The following SULT1B1 variants were observed in gnomAD, a reference collection of about 807,000 sequenced individuals.
SULT1B1 encodes sulfotransferase family 1B member 1.
In SULT1B1, 28 loss-of-function variants were observed where a neutral mutation model predicts 34.6. The ratio of observed to expected loss-of-function variants is 0.81; its 90% CI spans 0.60 to 1.11. SULT1B1 has a LOEUF of 1.11. SULT1B1 is among the 50% of genes least tolerant of loss of function. SULT1B1 has a pLI of 0.00. For synonymous variants in SULT1B1, 147 were observed against 110.2 expected (o/e 1.33, Z -2.09); for missense variants, 374 against 352.2 (o/e 1.06, Z -0.50).
rs545223195 is a variant in SULT1B1 at position 69,732,876 on chromosome 4, T to C, written c.597+537A>G. ...GAAACAAAGACAGTAAGAATAACTT[T>C]TATTGTTGAAAGAGAACAAAATAGT... On this transcript the variant is annotated intron_variant, in intron 6 of 7. Coordinates refer to ENST00000310613, the MANE Select transcript of SULT1B1 (RefSeq NM_014465.4). 3.3e-5 allele frequency among the ~76,000 whole-genome samples: 5 copies of C among 152,142 alleles called. No homozygotes were observed. The East Asian group carries it at 9.7e-4, about 29-fold the overall frequency.
intron 7 of SULT1B1, among the ~76,000 whole-genome samples, chr4:69,729,847 G>A (rs892792600): frequency 6.6e-6 from 1 of 152,022 alleles, no homozygotes; most frequent in Non-Finnish European, 1.5e-5. Context: ...GTTAGTAATT[G>A]GTTAAATGTA....
chr4:69,744,265 G>T (rs1013807889), intron 4 of SULT1B1, among the ~76,000 whole-genome samples: 1 of 152,232 alleles, frequency 6.6e-6, no homozygotes, highest in Non-Finnish European at 1.5e-5. Flanking sequence ...GGGACTGACT[G>T]TCTCCTCTCT....
chr4:69,728,939 G>GA (rs1717951580), intron 7 of SULT1B1, among the ~76,000 whole-genome samples: 1 of 151,964 alleles, frequency 6.6e-6, no homozygotes, highest in Admixed American at 6.6e-5. Flanking sequence ...CTAGAGAGGG[G>GA]ATATAAAGAC....
At position 69,733,415 on chromosome 4, in the gene SULT1B1, C is replaced by A. The variant is rs1718160452; in HGVS notation, c.595G>T (p.Glu199Ter). The stretch of plus-strand genomic sequence containing the variant: ...AGAATCCATATCTACCATTTTACCT[C>A]TTTCATATCTTCATAGTACAAAAAA... The part of the protein sequence containing the change: ...ILFLYYEDMK[E>*]NPKEEIKKII... Residue 199 changes from glutamate (E) to a stop codon, truncating the protein, a stop_gained and splice_region_variant, in exon 6 of 8, where the codon GAG becomes TAG. Coordinates refer to ENST00000310613, the MANE Select transcript of SULT1B1 (RefSeq NM_014465.4). LOFTEE classifies it high-confidence loss of function. 1.9e-6 allele frequency: 3 copies of A among 1,589,130 alleles called. No homozygotes were observed. The highest frequency in any genetic ancestry group is 2.6e-6 in the Non-Finnish European group (3 of 1,167,536).
At chr4:69,740,054 AG>A (rs1183039964) in intron 4 of SULT1B1, among the ~76,000 whole-genome samples, 1 of 152,128 alleles carries the variant, frequency 6.6e-6, no homozygotes, top group Non-Finnish European at 1.5e-5. Flanking sequence ...GAGCCCTCCA[AG>A]TCTCTAGGAA....
chr4:69,759,545 C>T (rs1365069200), intron 1 of SULT1B1, among the ~76,000 whole-genome samples: 1 of 152,186 alleles, frequency 6.6e-6, no homozygotes, highest in South Asian at 2.1e-4. Context: ...GTGTCCAATT[C>T]AGGAAGCTAC....
At position 69,727,117 on chromosome 4, in the gene SULT1B1, T is replaced by A. The variant is rs1439032889; in HGVS notation, c.862A>T (p.Thr288Ser). The A allele has an allele frequency of 6.2e-7, 1 of 1,610,488 alleles. No homozygotes were observed. Among genetic ancestry groups the A allele is most frequent in the African/African-American group, 1.3e-5 (1 of 74,674 alleles). ...ATCTCTGTGCGGAATTGAAGTGCAG[T>A]TTTGGACATTTCTGTCTCATAAATA... ...DAIYETEMSK[T>S]ALQFRTEI The change falls in exon 8 of 8, where the codon ACT becomes TCT. Residue 288 changes from threonine to serine, a missense_variant. Physicochemically the swap from Thr to Ser is moderately conservative, Grantham distance 58. Transcript: ENST00000310613.
chr4:69,728,288 T>C (rs1044441676), intron 7 of SULT1B1, among the ~76,000 whole-genome samples: 5 of 152,106 alleles, frequency 3.3e-5, no homozygotes, highest in Non-Finnish European at 7.4e-5. Context: ...AAAGAACTTT[T>C]GATAAATGCT....
At position 69,726,811 on chromosome 4, in the gene SULT1B1, C is replaced by T. The variant is rs532700691; in HGVS notation, c.*277G>A. ...GTAAAATAAATCCCTTCTTTCTTAT[C>T]AGTACTAGTGTAGAAAAAGGCAGGA... On this transcript the variant is annotated 3_prime_UTR_variant, in exon 8 of 8. Transcript: ENST00000310613. 2.4e-4 allele frequency: 59 copies of T among 250,666 alleles called. No individual in the cohort carries two copies. The highest frequency in any genetic ancestry group is 3.7e-4 in the Non-Finnish European group (50 of 133,716). The allele number at this position is 250,666 out of a possible 1,614,324, so 15.5% of individuals were successfully genotyped here.
rs757915826 is a variant in SULT1B1, at chr4:69,733,482, A to G, written c.528T>C (p.His176=). Residue 176 remains histidine, a synonymous_variant, in exon 6 of 8, where the codon CAT becomes CAC. Coordinates refer to ENST00000310613, the MANE Select transcript of SULT1B1 (RefSeq NM_014465.4). ...GKVAYGSWFT[H]VKNWWKKKEE... ...CCTTTTTCTTCCACCAGTTTTTAAC[A>G]TGAGTAAACCAGGAACCATAGGCCA... 4 of 1,608,350 alleles carry G rather than the reference A, an allele frequency of 2.5e-6. No homozygotes were observed. Among genetic ancestry groups the G allele is most frequent in the Middle Eastern group, 1.6e-4 (1 of 6,066 alleles).
At chr4:69,743,150 C>T (rs1206347265) in intron 4 of SULT1B1, among the ~76,000 whole-genome samples, 1 of 152,182 alleles carries the variant, frequency 6.6e-6, no homozygotes, top group Non-Finnish European at 1.5e-5. Context: ...GTTTGTGTTA[C>T]AGCCCTTTCA....
At chr4:69,727,612 T>A (rs1239599977) in intron 7 of SULT1B1, among the ~76,000 whole-genome samples, 2 of 152,024 alleles carry the variant, frequency 1.3e-5, no homozygotes, top group African/African-American at 4.8e-5. Flanking sequence ...AGACAAAAAA[T>A]TAGTCATCAG....
rs527785701 is a variant in SULT1B1, at chr4:69,742,149, G to A, written c.375+7572C>T. 1.1e-4 allele frequency among the ~76,000 whole-genome samples: 16 copies of A among 152,122 alleles called. 1 individual carries two copies. Among genetic ancestry groups the A allele is most frequent in the Admixed American group, 4.6e-4 (7 of 15,278 alleles). ...AATGATTTTGTGGTTTTTGTTTTTA[G>A]TACTTTCTGTATGAATCACACCTAT... On this transcript the variant is annotated intron_variant, in intron 4 of 7. Coordinates refer to ENST00000310613, the MANE Select transcript of SULT1B1 (RefSeq NM_014465.4).
At position 69,726,506 on chromosome 4, in the gene SULT1B1, G is replaced by GAAAAA. The variant is rs1717840966; in HGVS notation, c.*581_*582insTTTTT. 6.6e-6 allele frequency: 1 copy of GAAAAA among 151,864 alleles called. No individual in the cohort carries two copies. Among genetic ancestry groups the GAAAAA allele is most frequent in the Non-Finnish European group, 1.5e-5 (1 of 67,940 alleles). The allele number at this position is 151,864 out of a possible 1,614,324, so 9.4% of individuals were successfully genotyped here. On this transcript the variant is annotated 3_prime_UTR_variant, in exon 8 of 8. Transcript: ENST00000310613. Reference sequence around the variant, plus strand: ...TTGCCTTTCGGAGACTTAGACATTAGGTATGATATAGAAAAAAGATTTCCA... The same window carrying GAAAAA: ...TTGCCTTTCGGAGACTTAGACATTAGAAAAAGTATGATATAGAAAAAAGATTTCCA...
At position 69,752,806 on chromosome 4, in the gene SULT1B1, C is replaced by T. The variant is rs536402157; in HGVS notation, c.277+1864G>A. The stretch of plus-strand genomic sequence containing the variant: ...TCTTCACATTGGCATACAGGTCTAT[C>T]ACTATCCTACTACTTATTTGTTTCC... On this transcript the variant is annotated intron_variant, in intron 3 of 7. Transcript: ENST00000310613. 1.2e-4 allele frequency among the ~76,000 whole-genome samples: 19 copies of T among 152,334 alleles called. No homozygotes were observed. In the East Asian group the frequency reaches 1.9e-3, roughly 15 times the overall value.
At chr4:69,758,187 A>C (rs1173717076) in intron 1 of SULT1B1, 1 of 477,224 alleles carries the variant, frequency 2.1e-6, no homozygotes, top group Non-Finnish European at 2.7e-6. Flanking sequence ...AGAAGTCAGC[A>C]GAAGGAGGAA....
chr4:69,744,871 A>C (rs1340251656), intron 4 of SULT1B1, among the ~76,000 whole-genome samples: 1 of 152,142 alleles, frequency 6.6e-6, no homozygotes, highest in Non-Finnish European at 1.5e-5. Context: ...TAGCACTATA[A>C]ACCTTCTTAG....
chr4:69,755,609 G>A (rs971298894), intron 1 of SULT1B1, among the ~76,000 whole-genome samples: 3 of 152,152 alleles, frequency 2.0e-5, no homozygotes, highest in African/African-American at 7.2e-5. Context: ...TCAGCTACAC[G>A]TCATTTTTCC....
In SULT1B1 at chr4:69,730,700, C is replaced by A; in HGVS notation, c.598-19G>T. 6.3e-7 allele frequency: 1 copy of A among 1,599,736 alleles called. No individual in the cohort carries two copies. Among genetic ancestry groups the A allele is most frequent in the South Asian group, 1.1e-5 (1 of 88,910 alleles). ...TTGGATTCTATTAGTGGGTAAAACC[C>A]AAGACAATAAACAAGTAACTCACAC... On this transcript the variant is annotated intron_variant, in intron 6 of 7. Transcript: ENST00000310613.
Sources: allele counts gnomAD v4.1 joint callset (sites outside exome capture counted in the v4.1 genomes callset), GRCh38; gene constraint gnomAD v4.1.1; transcripts MANE v1.5; gene names NCBI Gene and HGNC (gene_info 2026-07-23, HGNC 2026-07-21).